The following KYNU variants were observed in gnomAD, a reference collection of about 807,000 sequenced individuals.
The protein encoded by KYNU is L-kynurenine hydrolase.
Under a neutral mutation model 59.2 loss-of-function variants are expected in KYNU, and 54 were observed. The ratio of observed to expected loss-of-function variants is 0.91; its 90% CI spans 0.73 to 1.14. KYNU has a LOEUF of 1.14. Among genes scored for constraint, KYNU ranks in the 50% most tolerant of loss-of-function variants. The probability of loss-of-function intolerance (pLI) is 0.00; values close to 1 mark genes in which losing one functional copy is unlikely to be tolerated. For missense variants in KYNU, 567 were observed against 554.4 expected (o/e 1.02, Z -0.23); for synonymous variants, 177 against 192.0 (o/e 0.92, Z 0.65).
At chr2:142,974,809 A>C (rs1267119360) in intron 8 of KYNU, among the ~76,000 whole-genome samples, 1 of 152,196 alleles carries the variant, frequency 6.6e-6, no homozygotes, top group Non-Finnish European at 1.5e-5. Context: ...TCAGGAATCC[A>C]GGGTTTTTAT....
chr2:142,900,690 C>G (rs1420869738), intron 2 of KYNU, among the ~76,000 whole-genome samples: 4 of 152,172 alleles, frequency 2.6e-5, no homozygotes, highest in Non-Finnish European at 4.4e-5. Flanking sequence ...TCTCAGTCTC[C>G]CTTCTCAACA....
chr2:142,916,788 C>A (rs933463288), intron 2 of KYNU, among the ~76,000 whole-genome samples: 5 of 152,170 alleles, frequency 3.3e-5, no homozygotes, highest in Admixed American at 1.3e-4. Flanking sequence ...GAAAACAATA[C>A]CTACAAGAAG....
intron 4 of KYNU, among the ~76,000 whole-genome samples, chr2:142,945,486 A>G (rs747574801): frequency 1.1e-4 from 16 of 152,182 alleles, no homozygotes; most frequent in Non-Finnish European, 2.1e-4. Context: ...TTCTCTTGCT[A>G]TTCCACTACA....
At chr2:142,995,930 C>T (rs1202976842) in intron 10 of KYNU, among the ~76,000 whole-genome samples, 5 of 151,996 alleles carry the variant, frequency 3.3e-5, no homozygotes, top group African/African-American at 4.8e-5. Flanking sequence ...GGCACTAGTT[C>T]GGTGTTCTCT....
chr2:142,950,999 G>A (rs1298668037), intron 4 of KYNU, among the ~76,000 whole-genome samples: 15 of 152,216 alleles, frequency 9.9e-5, no homozygotes, highest in Admixed American at 9.8e-4. Context: ...GGGCTGATCA[G>A]TGGAGCAGTC....
chr2:143,016,068 G>T (rs1367294725), intron 10 of KYNU, among the ~76,000 whole-genome samples: 1 of 152,108 alleles, frequency 6.6e-6, no homozygotes, highest in East Asian at 1.9e-4. Context: ...ACCAATTCTA[G>T]AATATAGTTT....
At chr2:142,924,118 T>C (rs1682974455) in intron 3 of KYNU, among the ~76,000 whole-genome samples, 1 of 152,188 alleles carries the variant, frequency 6.6e-6, no homozygotes, top group Admixed American at 6.5e-5. Context: ...AACATTCTTT[T>C]TTTGGAGTCA....
rs116583436 is a variant in KYNU at position 142,972,118 on chromosome 2, G to T, written c.729+11348G>T. On this transcript the variant is annotated intron_variant, in intron 8 of 13. Transcript: ENST00000264170. ...TGACTGAATTTATTTAATTTTTCTT[G>T]GTTTTCATACTTACTTTTGACAGTA... 7.4e-3 allele frequency among the ~76,000 whole-genome samples: 1,128 copies of T among 152,032 alleles called. 8 individuals are homozygous for T. The highest frequency in any genetic ancestry group is 0.026 in the African/African-American group (1,084 of 41,476).
chr2:142,887,156 C>T (rs1002892790), intron 2 of KYNU, among the ~76,000 whole-genome samples: 1 of 125,022 alleles, frequency 8.0e-6, no homozygotes, highest in African/African-American at 3.2e-5. Context: ...GGCGACAGTC[C>T]GAGGCTCCAT....
At chr2:142,900,202 G>A (rs1477569363) in intron 2 of KYNU, among the ~76,000 whole-genome samples, 1 of 152,194 alleles carries the variant, frequency 6.6e-6, no homozygotes, top group Non-Finnish European at 1.5e-5. Flanking sequence ...GATCAGGAGT[G>A]GCAGCGGGCG....
Position 142,954,693 on chromosome 2 carries a change from A to C in KYNU, c.374-117A>C. ...TCCATTTCTTTGTGATGACACATCA[A>C]ATATGCCCTTATCTCTAAAGACATT... On this transcript the variant is annotated intron_variant, in intron 4 of 13. Coordinates refer to ENST00000264170, the MANE Select transcript of KYNU (RefSeq NM_003937.3). The C allele has an allele frequency of 4.2e-6, 3 of 708,528 alleles. 1 individual carries two copies. The highest frequency in any genetic ancestry group is 7.7e-6 in the Non-Finnish European group (3 of 389,756). The allele number at this position is 708,528 out of a possible 1,614,324, so 43.9% of individuals were successfully genotyped here.
intron 10 of KYNU, among the ~76,000 whole-genome samples, chr2:143,004,691 A>G (rs1200115640): frequency 6.6e-5 from 10 of 152,114 alleles, no homozygotes; most frequent in African/African-American, 9.6e-5. Context: ...ACAGAGCAAG[A>G]CTCTGTCTCA....
At chr2:142,998,359 T>C (rs1458888661) in intron 10 of KYNU, among the ~76,000 whole-genome samples, 1 of 152,220 alleles carries the variant, frequency 6.6e-6, no homozygotes, top group Non-Finnish European at 1.5e-5. Context: ...ATCCAAGATT[T>C]CATTACGATT....
chr2:142,966,978 A>T (rs1194892106), intron 8 of KYNU, among the ~76,000 whole-genome samples: 1 of 79,186 alleles, frequency 1.3e-5, no homozygotes, highest in Non-Finnish European at 3.3e-5. Flanking sequence ...CACTAGAATT[A>T]AAAAAAAAAA....
chr2:142,946,934 T>A (rs970266001), intron 4 of KYNU, among the ~76,000 whole-genome samples: 1 of 152,226 alleles, frequency 6.6e-6, no homozygotes, highest in Non-Finnish European at 1.5e-5. Context: ...CTGCAGATTC[T>A]CCATCAGCAC....
At chr2:142,959,140 C>T (rs961949862) in intron 7 of KYNU, among the ~76,000 whole-genome samples, 1 of 152,112 alleles carries the variant, frequency 6.6e-6, no homozygotes, top group Admixed American at 6.5e-5. Context: ...CACACACACA[C>T]ACGTACTCTC....
rs528609725 is a variant in KYNU at position 143,042,758 on chromosome 2, G to A, written c.*586G>A. On this transcript the variant is annotated 3_prime_UTR_variant, in exon 14 of 14. Transcript: ENST00000264170. ...TAATATCAGAAACCAGTATTTATGT[G>A]AATATATGAGAAATATTATTGATTC... is the stretch of plus-strand genomic sequence containing the variant. 6.6e-6 allele frequency: 1 copy of A among 150,600 alleles called. No individual in the cohort carries two copies. The highest frequency in any genetic ancestry group is 2.4e-5 in the African/African-American group (1 of 41,038). 9.3% of individuals were successfully genotyped at this position (150,600 alleles called of 1,614,324 possible). A position where few individuals can be genotyped will look rare whatever the true frequency, so the allele number is the denominator to read the frequency against.
At chr2:142,994,202 G>T (rs900133664) in intron 10 of KYNU, among the ~76,000 whole-genome samples, 1 of 151,964 alleles carries the variant, frequency 6.6e-6, no homozygotes, top group African/African-American at 2.4e-5. Flanking sequence ...CAGGGTGGAA[G>T]TTTGTTGTAA....
At chr2:143,015,178 T>A (rs1366798253) in intron 10 of KYNU, among the ~76,000 whole-genome samples, 2 of 152,192 alleles carry the variant, frequency 1.3e-5, no homozygotes, top group African/African-American at 4.8e-5. Flanking sequence ...CTAATCAGAT[T>A]TAGTGCTTTT....
Sources: allele counts gnomAD v4.1 joint callset (sites outside exome capture counted in the v4.1 genomes callset), GRCh38; gene constraint gnomAD v4.1.1; transcripts MANE v1.5; gene names NCBI Gene and HGNC (gene_info 2026-07-23, HGNC 2026-07-21).